The following CALN1 variants were observed in gnomAD, a reference collection of about 807,000 sequenced individuals.
CALN1 encodes calcium-binding protein 8.
Under a neutral mutation model 30.6 loss-of-function variants are expected in CALN1, and 17 were observed. That is an observed-to-expected ratio of 0.56 (90% CI 0.38 to 0.83). The LOEUF is 0.83. Among genes scored for constraint, CALN1 ranks in the 40% least tolerant of loss-of-function variants. The probability of loss-of-function intolerance (pLI) is 0.00; values close to 1 mark genes in which losing one functional copy is unlikely to be tolerated. For synonymous variants in CALN1, 156 were observed against 131.4 expected (o/e 1.19, Z -1.28); for missense variants, 291 against 354.9 (o/e 0.82, Z 1.45).
chr7:72,027,726 AACACACAC>A (rs111705413), intron 4 of CALN1, among the ~76,000 whole-genome samples: 4,232 of 143,244 alleles, frequency 0.03, 207 homozygotes, highest in African/African-American at 0.1. Context: ...CAAACAAACA[AACACACAC>A]ACACACACAC....
chr7:71,859,734 A>G (rs1300122512), intron 5 of CALN1, among the ~76,000 whole-genome samples: 4 of 152,220 alleles, frequency 2.6e-5, no homozygotes, highest in Non-Finnish European at 4.4e-5. Flanking sequence ...TGTAGGATGG[A>G]AAATCCATCA....
Position 71,836,774 on chromosome 7 carries a change from C to T in CALN1, c.502-26282G>A, listed in dbSNP as rs558594330. ...CTGGGCTTACAGGCACCCAACACCA[C>T]GTCCAGCTAATTTTTGTATTTTTAG... On this transcript the variant is annotated intron_variant, in intron 5 of 6. Transcript: ENST00000395275. Among the ~76,000 whole-genome samples the T allele has an allele frequency of 1.6e-3, 242 of 151,866 alleles. 1 individual carries two copies. The highest frequency in any genetic ancestry group is 2.1e-3 in the Non-Finnish European group (140 of 67,972).
At chr7:72,143,512 A>T (rs1810112333) in intron 3 of CALN1, among the ~76,000 whole-genome samples, 1 of 152,234 alleles carries the variant, frequency 6.6e-6, no homozygotes, top group Non-Finnish European at 1.5e-5. Context: ...GTGTACCTGA[A>T]AGTGACGGGG....
At position 72,236,550 on chromosome 7, in the gene CALN1, A is replaced by T. The variant is rs10262489; in HGVS notation, c.244+42136T>A. Among the ~76,000 whole-genome samples, 12 of 152,348 alleles carry T rather than the reference A, an allele frequency of 7.9e-5. No individual in the cohort carries two copies. In the East Asian group the frequency reaches 2.3e-3, roughly 29 times the overall value. ...CCCAAGGAGAACCTCAAGTCCTGCC[A>T]TTCATTGGCATGCCTGAAAAAGTTC... On this transcript the variant is annotated intron_variant, in intron 3 of 6. Coordinates refer to ENST00000395275, the MANE Select transcript of CALN1 (RefSeq NM_031468.4).
At chr7:71,815,587 A>G (rs1267184700) in intron 5 of CALN1, among the ~76,000 whole-genome samples, 2 of 151,974 alleles carry the variant, frequency 1.3e-5, no homozygotes, top group Admixed American at 1.3e-4. Context: ...AACTGCTAAG[A>G]CTCTGTGGTT....
chr7:72,207,580 T>C (rs1278963070), intron 3 of CALN1, among the ~76,000 whole-genome samples: 2 of 152,108 alleles, frequency 1.3e-5, no homozygotes, highest in East Asian at 1.9e-4. Context: ...CTCCTGGTAG[T>C]GCTGGGATTA....
In CALN1 at chr7:71,957,893, C is replaced by T. The variant is rs535744889; in HGVS notation, c.501+65764G>A. Among the ~76,000 whole-genome samples, 40 of 151,654 alleles carry T rather than the reference C, an allele frequency of 2.6e-4. 1 individual carries two copies. The highest frequency in any genetic ancestry group is 9.7e-4 in the African/African-American group (40 of 41,338). Reference sequence around the variant, plus strand: ...CAACCTGGCCAACATGATGAAACCCCATCTCTATTAAAAATACAAAAATTA... The same window carrying T: ...CAACCTGGCCAACATGATGAAACCCTATCTCTATTAAAAATACAAAAATTA... On this transcript the variant is annotated intron_variant, in intron 5 of 6. Transcript: ENST00000395275.
Position 72,057,375 on chromosome 7 carries a change from T to C in CALN1, c.389-33606A>G, listed in dbSNP as rs539143759. Among the ~76,000 whole-genome samples, 18 of 141,752 alleles carry C rather than the reference T, an allele frequency of 1.3e-4. No homozygotes were observed. The East Asian group carries it at 3.8e-3, about 30-fold the overall frequency. The allele number at this position is 141,752 out of a possible 152,430, so 93.0% of individuals were successfully genotyped here. ...GGCATTTAGATAAAAAGTTCCTTTT[T>C]AAATGTTCTTTTTTTTTTTTTTTTT... On this transcript the variant is annotated intron_variant, in intron 4 of 6. Coordinates refer to ENST00000395275, the MANE Select transcript of CALN1 (RefSeq NM_031468.4).
At chr7:72,190,353 A>G (rs1255620676) in intron 3 of CALN1, among the ~76,000 whole-genome samples, 3 of 152,192 alleles carry the variant, frequency 2.0e-5, no homozygotes, top group Admixed American at 6.5e-5. Context: ...TCCGTCTCAA[A>G]TAACAAGAAA....
At chr7:72,408,473 A>T (rs1182395198) in intron 1 of CALN1, among the ~76,000 whole-genome samples, 2 of 151,800 alleles carry the variant, frequency 1.3e-5, no homozygotes, top group African/African-American at 4.8e-5. Context: ...GAGATAATAA[A>T]GACAAAGACT....
intron 5 of CALN1, among the ~76,000 whole-genome samples, chr7:71,885,212 T>C (rs79138155): frequency 0.13 from 19,057 of 152,176 alleles, 1,750 homozygotes; most frequent in East Asian, 0.43. Context: ...TCTGCAGTGG[T>C]GTGATCTCGG....
chr7:72,399,559 G>A (rs6947681), intron 2 of CALN1, among the ~76,000 whole-genome samples: 23,681 of 151,982 alleles, frequency 0.16, 2,426 homozygotes, highest in Non-Finnish European at 0.23. Flanking sequence ...ATGAGCCACC[G>A]TGCCTGACCT....
chr7:72,386,158 G>A (rs1031517076), intron 2 of CALN1, among the ~76,000 whole-genome samples: 2 of 152,208 alleles, frequency 1.3e-5, no homozygotes, highest in African/African-American at 4.8e-5. Context: ...GTATGGAACT[G>A]TAATTGTGGA....
intron 3 of CALN1, among the ~76,000 whole-genome samples, chr7:72,207,467 TTAGTAGTAGTAG>T (rs57532477): frequency 5.9e-5 from 9 of 151,656 alleles, no homozygotes; most frequent in East Asian, 1.9e-4. Context: ...GTTTGTTTAT[TTAGTAGTAGTAG>T]TAGTAGTAGT....
At chr7:72,037,921 G>C (rs369004229) in intron 4 of CALN1, among the ~76,000 whole-genome samples, 7 of 152,192 alleles carry the variant, frequency 4.6e-5, no homozygotes, top group East Asian at 1.9e-4. Flanking sequence ...TTAATGTCTG[G>C]CTCCCCACAG....
At chr7:72,037,309 G>A (rs751195910) in intron 4 of CALN1, among the ~76,000 whole-genome samples, 10 of 151,978 alleles carry the variant, frequency 6.6e-5, no homozygotes, top group Middle Eastern at 3.4e-3. Context: ...TGCTACCACC[G>A]CAGCTAATTT....
intron 4 of CALN1, among the ~76,000 whole-genome samples, chr7:72,031,891 A>G (rs1801467935): frequency 6.6e-6 from 1 of 151,424 alleles, no homozygotes; most frequent in Non-Finnish European, 1.5e-5. Context: ...ACAGGCACCC[A>G]CCACCATGCC....
At chr7:71,795,813 TC>T (rs1333384448) in intron 6 of CALN1, among the ~76,000 whole-genome samples, 1 of 136,856 alleles carries the variant, frequency 7.3e-6, no homozygotes, top group African/African-American at 2.9e-5. Context: ...AGTACTTCAT[TC>T]TTTTTTTTTT....
chr7:71,855,838 C>G (rs2116623848), intron 5 of CALN1, among the ~76,000 whole-genome samples: 1 of 152,254 alleles, frequency 6.6e-6, no homozygotes, highest in East Asian at 1.9e-4. Flanking sequence ...TTAAATTGGT[C>G]AGAGTTGATT....
Sources: gnomAD v4.1 joint callset for allele counts (sites outside exome capture counted in the v4.1 genomes callset) on GRCh38, gnomAD v4.1.1 for gene constraint, MANE v1.5 for transcripts, NCBI Gene and HGNC (gene_info 2026-07-23, HGNC 2026-07-21) for gene names.